The following PDPR variants were observed in gnomAD, a reference collection of about 807,000 sequenced individuals.
PDPR encodes pyruvate dehydrogenase phosphatase regulatory subunit, mitochondrial.
PDPR carries 50 observed loss-of-function variants against 102.2 expected under a neutral mutation model. The observed-to-expected ratio is 0.49, with a 90% confidence interval of 0.39 to 0.62. The LOEUF (loss-of-function observed/expected upper bound fraction) is 0.62. PDPR is among the 20% of genes least tolerant of loss of function. The pLI is 0.00. For missense variants in PDPR, 625 were observed against 1,098.2 expected (o/e 0.57, Z 6.09); for synonymous variants, 259 against 406.0 (o/e 0.64, Z 4.35).
At chr16:70,124,561 A>C (rs1963725265) in intron 3 of PDPR, among the ~76,000 whole-genome samples, 1 of 152,268 alleles carries the variant, frequency 6.6e-6, no homozygotes, top group Admixed American at 6.5e-5. Context: ...AACAAACCAG[A>C]ATCTCTAGGG....
chr16:70,150,969 C>G (rs936542933), intron 17 of PDPR, among the ~76,000 whole-genome samples: 1 of 152,248 alleles, frequency 6.6e-6, no homozygotes, highest in East Asian at 1.9e-4. Flanking sequence ...GAGCCTCCCA[C>G]TGTCGCCCAG....
intron 3 of PDPR, among the ~76,000 whole-genome samples, chr16:70,123,194 G>C (rs1963529779): frequency 6.6e-6 from 1 of 152,198 alleles, no homozygotes; most frequent in East Asian, 1.9e-4. Context: ...GAGCCACCGT[G>C]CCCGGCCCGC....
At chr16:70,143,905 T>C in intron 14 of PDPR, among the ~76,000 whole-genome samples, 1 of 152,220 alleles carries the variant, frequency 6.6e-6, no homozygotes. Flanking sequence ...CTTTTTTTTT[T>C]TTTTGAGACA....
chr16:70,143,453 T>C, intron 13 of PDPR, 57 bp from the exon 14 acceptor site: 1 of 1,591,596 alleles, frequency 6.3e-7, no homozygotes, highest in Non-Finnish European at 8.6e-7. Flanking sequence ...TGGGGCCATG[T>C]GGCCCAGCCA....
chr16:70,131,628 T>C lies in PDPR; in HGVS notation c.847+209T>C, dbSNP rs113108022. 4.5e-5 allele frequency: 44 copies of C among 971,644 alleles called. No individual in the cohort carries two copies. The African/African-American group carries it at 6.3e-4, about 14-fold the overall frequency. 60.2% of individuals were successfully genotyped at this position (971,644 alleles called of 1,614,324 possible). A position where few individuals can be genotyped will look rare whatever the true frequency, so the allele number is the denominator to read the frequency against. On this transcript the variant is annotated intron_variant, in intron 8 of 18. Coordinates refer to ENST00000288050, the MANE Select transcript of PDPR (RefSeq NM_017990.5). ...ATTTCCATTAATACATTTTTTTGTT[T>C]TTGTTTGTTTTGCAAGCTAATTTTA...
chr16:70,150,988 G>A (rs1464559409), intron 17 of PDPR, among the ~76,000 whole-genome samples: 1 of 152,190 alleles, frequency 6.6e-6, no homozygotes, highest in Non-Finnish European at 1.5e-5. Context: ...AGGCTGGAGT[G>A]TAGTGGCATG....
intron 9 of PDPR, among the ~76,000 whole-genome samples, chr16:70,133,665 G>T (rs1405479535): frequency 6.6e-6 from 1 of 152,266 alleles, no homozygotes; most frequent in South Asian, 2.1e-4. Flanking sequence ...TGATCTGCCT[G>T]CCTTGGTCTC....
chr16:70,155,562 C>G (rs567516390), intron 18 of PDPR, among the ~76,000 whole-genome samples: 65 of 152,294 alleles, frequency 4.3e-4, no homozygotes, highest in African/African-American at 1.5e-3. Flanking sequence ...TGTATTTTTT[C>G]TTTTTTTAGT....
chr16:70,119,490 C>T (rs1239316893), intron 2 of PDPR, among the ~76,000 whole-genome samples: 1 of 149,608 alleles, frequency 6.7e-6, no homozygotes, highest in Non-Finnish European at 1.5e-5. Flanking sequence ...AACTGGCTTC[C>T]GCCTGCCTCT....
At chr16:70,144,649 C>G (rs1219829927) in intron 15 of PDPR, 116 bp downstream of exon 15, 1 of 581,560 alleles carries the variant, frequency 1.7e-6, no homozygotes, top group Non-Finnish European at 3.1e-6. Context: ...ATAAAAGAGG[C>G]TCTCTGGTCA....
At chr16:70,142,023 C>G (rs2152103347) in intron 11 of PDPR, among the ~76,000 whole-genome samples, 1 of 152,350 alleles carries the variant, frequency 6.6e-6, no homozygotes, top group African/African-American at 2.4e-5. Context: ...TCGCTTAAAC[C>G]CAGGAGGCAG....
intron 11 of PDPR, among the ~76,000 whole-genome samples, chr16:70,140,785 A>C (rs1382743121): frequency 1.3e-5 from 2 of 152,226 alleles, no homozygotes; most frequent in African/African-American, 4.8e-5. Context: ...ACTGCACTCT[A>C]GCCTGGGTGA....
chr16:70,149,034 G>A (rs1456496870), intron 17 of PDPR, among the ~76,000 whole-genome samples: 11 of 151,374 alleles, frequency 7.3e-5, no homozygotes, highest in African/African-American at 2.2e-4. Flanking sequence ...AGCTGGGACT[G>A]TAGGCATGTG....
chr16:70,153,672 A>G, intron 18 of PDPR, 99 bp downstream of exon 18: 4 of 1,281,058 alleles, frequency 3.1e-6, no homozygotes, highest in Non-Finnish European at 4.2e-6. Context: ...AAAGGGGGAA[A>G]AGATTGAGGC....
chr16:70,116,583 T>A (rs1962661019), intron 2 of PDPR, among the ~76,000 whole-genome samples: 2 of 143,490 alleles, frequency 1.4e-5, no homozygotes, highest in Admixed American at 7.1e-5. Context: ...AAACACAAGA[T>A]TGGCCTGTGT....
At chr16:70,134,312 G>A (rs1181054974) in intron 9 of PDPR, among the ~76,000 whole-genome samples, 123 of 152,068 alleles carry the variant, frequency 8.1e-4, no homozygotes, top group South Asian at 3.9e-3. Context: ...TGCATCCTCC[G>A]CCTCCTGGAT....
intron 10 of PDPR, among the ~76,000 whole-genome samples, chr16:70,138,207 A>ATTTTTTTTTTTTTTTTTTTTTTTT (rs1201065640): frequency 4.3e-5 from 4 of 94,048 alleles, no homozygotes; most frequent in Non-Finnish European, 7.9e-5. Flanking sequence ...ACGCCGGCTA[A>ATTTTTTTTTTTTTTTTTTTTTTTT]TTTTTTTTTT....
rs1266934609 is a variant in PDPR, at chr16:70,159,480, A to T, written c.*2601A>T. On this transcript the variant is annotated 3_prime_UTR_variant, in exon 19 of 19. Coordinates refer to ENST00000288050, the MANE Select transcript of PDPR (RefSeq NM_017990.5). ...TGTTTATTCAGTGCCCCAAACACAG[A>T]TTTCTCTTCTAGCACTTTAGAGTTG... The T allele has an allele frequency of 1.3e-5, 2 of 152,718 alleles. No individual in the cohort carries two copies. The highest frequency in any genetic ancestry group is 1.3e-4 in the Admixed American group (2 of 15,282). The allele number at this position is 152,718 out of a possible 1,614,324, so 9.5% of individuals were successfully genotyped here.
At chr16:70,149,947 C>T (rs996444980) in intron 17 of PDPR, among the ~76,000 whole-genome samples, 8 of 152,254 alleles carry the variant, frequency 5.3e-5, no homozygotes, top group Middle Eastern at 3.4e-3. Flanking sequence ...CCTGCCACCA[C>T]GCCCGGCTAA....
Sources: gnomAD v4.1 joint callset for allele counts (sites outside exome capture counted in the v4.1 genomes callset) on GRCh38, gnomAD v4.1.1 for gene constraint, MANE v1.5 for transcripts, NCBI Gene and HGNC (gene_info 2026-07-23, HGNC 2026-07-21) for gene names.